The following FCRL5 variants were observed in gnomAD, a reference collection of about 807,000 sequenced individuals.
FCRL5 encodes the protein Fc receptor-like protein 5.
A neutral mutation model predicts 92.1 loss-of-function variants in FCRL5; 79 were observed. The ratio of observed to expected loss-of-function variants is 0.86; its 90% CI spans 0.72 to 1.03. The LOEUF is 1.03. Among genes scored for constraint, FCRL5 ranks in the 50% least tolerant of loss-of-function variants. The pLI is 0.00. For synonymous variants in FCRL5, 466 were observed against 469.3 expected (o/e 0.99, Z 0.09); for missense variants, 1,160 against 1,181.1 (o/e 0.98, Z 0.26).
At chr1:157,516,367 T>C (rs1361018780) in intron 15 of FCRL5, among the ~76,000 whole-genome samples, 1 of 152,240 alleles carries the variant, frequency 6.6e-6, no homozygotes, top group Non-Finnish European at 1.5e-5. Flanking sequence ...TGTAAGGTTG[T>C]GGTGAAGCTA....
chr1:157,552,139 C>T (rs527652051), intron 1 of FCRL5, among the ~76,000 whole-genome samples, 193 bp downstream of exon 1: 1 of 152,222 alleles, frequency 6.6e-6, no homozygotes, highest in Admixed American at 6.5e-5. Context: ...TTGAAAATTC[C>T]TTCCAGCTGT....
In FCRL5 at chr1:157,521,056, C is replaced by T; in HGVS notation, c.2476G>A (p.Gly826Arg). 1.9e-6 allele frequency: 3 copies of T among 1,613,802 alleles called. No homozygotes were observed. The highest frequency in any genetic ancestry group is 2.2e-5 in the East Asian group (1 of 44,858). Residue 826 changes from glycine to arginine, a missense_variant, in exon 11 of 17, where the codon GGG (glycine) becomes AGG (arginine). Transcript: ENST00000361835. ...GTCACTGTCTCACTGCGCTGGGCCCCGAGGCCATTGTCGGCCTCACAGGAG... is the reference window on the plus strand; with the variant it reads ...GTCACTGTCTCACTGCGCTGGGCCCTGAGGCCATTGTCGGCCTCACAGGAG... ...NYSCEADNGL[G>R]AQRSETVTLY...
At chr1:157,521,470 A>G (rs563215600) in intron 10 of FCRL5, 178 bp from the exon 11 acceptor site, 21 of 666,974 alleles carry the variant, frequency 3.1e-5, no homozygotes, top group African/African-American at 9.1e-5. Flanking sequence ...AAAATATCCA[A>G]TAGAAAACTG....
intron 5 of FCRL5, among the ~76,000 whole-genome samples, chr1:157,543,765 T>G (rs1239139981): frequency 6.6e-6 from 1 of 152,228 alleles, no homozygotes; most frequent in Non-Finnish European, 1.5e-5. Flanking sequence ...TGATGTAATC[T>G]GGGGTGCATA....
chr1:157,518,627 C>T (rs1650037054), intron 14 of FCRL5, 73 bp downstream of exon 14: 3 of 1,488,446 alleles, frequency 2.0e-6, no homozygotes, highest in Middle Eastern at 1.8e-4. Context: ...ATAGTCCCTC[C>T]CCATCTCCTG....
rs201400157 is a variant in FCRL5 at position 157,515,730 on chromosome 1, G to A, written c.2879C>T (p.Ala960Val). The stretch of plus-strand genomic sequence containing the variant: ...CAGGGATCCGGAAACCGGGGTTGAC[G>A]CCACCTTAACTTCAGAGTAGATGAT... ...SPIIYSEVKVASTPVSGSLFL... is the reference protein window; with the variant it reads ...SPIIYSEVKVVSTPVSGSLFL... The change falls in exon 17 of 17, where the codon GCG becomes GTG. Residue 960 changes from alanine (A) to valine (V), a missense_variant. Transcript: ENST00000361835. 13 of 1,613,666 alleles carry A rather than the reference G, an allele frequency of 8.1e-6. No homozygotes were observed. Among genetic ancestry groups the A allele is most frequent in the East Asian group, 6.7e-5 (3 of 44,876 alleles).
Position 157,518,761 on chromosome 1 carries a change from G to T in FCRL5, c.2682C>A (p.Ser894=). ...DPARSPSDSD[S]QEPTYHNVPA... The stretch of plus-strand genomic sequence containing the variant: ...GTACATTGTGATAGGTGGGCTCTTG[G>T]GAGTCCGAGTCTGAAGGGCTCCTGT... Residue 894 remains serine (S), a synonymous_variant, in exon 14 of 17, where the codon TCC becomes TCA. Coordinates refer to ENST00000361835, the MANE Select transcript of FCRL5 (RefSeq NM_031281.3). 2 of 1,613,324 alleles carry T rather than the reference G, an allele frequency of 1.2e-6. No individual in the cohort carries two copies. Among genetic ancestry groups the T allele is most frequent in the Non-Finnish European group, 1.7e-6 (2 of 1,179,818 alleles).
chr1:157,521,130 C>T lies in FCRL5; in HGVS notation c.2402G>A (p.Gly801Glu), dbSNP rs773144044. Reference protein sequence around the residue: ...VTLGNRSSPSGGASLNLSLTA... With the variant: ...VTLGNRSSPSEGASLNLSLTA... ...CAGAGAGAGGTTTAAGGACGCTCCT[C>T]CAGAGGGGGACGACCTATTTCCTAG... is the stretch of plus-strand genomic sequence containing the variant. The change falls in exon 11 of 17, where the codon GGA becomes GAA. Residue 801 changes from glycine (G) to glutamate (E), a missense_variant. Gly to Glu is a moderately conservative substitution (Grantham distance 98). Transcript: ENST00000361835. The T allele has an allele frequency of 1.1e-5, 18 of 1,614,070 alleles. No homozygotes were observed. Among genetic ancestry groups the T allele is most frequent in the Non-Finnish European group, 1.7e-6 (2 of 1,180,048 alleles).
chr1:157,523,944 T>C (rs1316189571), intron 10 of FCRL5: 2 of 397,278 alleles, frequency 5.0e-6, no homozygotes, highest in African/African-American at 2.0e-5. Context: ...CTTAATCCTT[T>C]CTACGGCAGA....
chr1:157,543,220 C>T, intron 5 of FCRL5, 83 bp from the exon 6 acceptor site: 1 of 1,359,662 alleles, frequency 7.4e-7, no homozygotes, highest in Non-Finnish European at 1.0e-6. Context: ...AATGCCCAGT[C>T]TCCAGTCTCC....
chr1:157,537,047 G>A lies in FCRL5; in HGVS notation c.1402+2039C>T, dbSNP rs1295487261. On this transcript the variant is annotated intron_variant, in intron 7 of 16. Transcript: ENST00000361835. The stretch of plus-strand genomic sequence containing the variant: ...AGGATGAATGTCACCTCAGGACCCT[G>A]TGATAATTGTGTTAACTGCACAAAT... 2.0e-5 allele frequency among the ~76,000 whole-genome samples: 3 copies of A among 152,150 alleles called. No homozygotes were observed. In the East Asian group the frequency reaches 5.8e-4, roughly 29 times the overall value.
intron 9 of FCRL5, among the ~76,000 whole-genome samples, chr1:157,527,205 T>C (rs1650469917): frequency 6.6e-6 from 1 of 152,080 alleles, no homozygotes; most frequent in Non-Finnish European, 1.5e-5. Context: ...TAGAGAGAAA[T>C]GTGTGAGCCA....
chr1:157,535,943 G>GTTTTTTTTTTT (rs60191062), intron 7 of FCRL5, among the ~76,000 whole-genome samples: 15,553 of 89,346 alleles, frequency 0.17, 3,785 homozygotes, highest in Non-Finnish European at 0.21. Flanking sequence ...ATGTGACTCA[G>GTTTTTTTTTTT]TTTTTTTTTT....
At chr1:157,530,991 G>A (rs1207951233) in intron 8 of FCRL5, among the ~76,000 whole-genome samples, 1 of 152,124 alleles carries the variant, frequency 6.6e-6, no homozygotes. Context: ...ATTACATCAA[G>A]CTGAAAAGAA....
At position 157,524,506 on chromosome 1, in the gene FCRL5, A is replaced by G; in HGVS notation, c.2012T>C (p.Val671Ala). ...LTFRAPRAQA[V>A]VGDLLELHCE... ...GTGAAGCTCCAGCAGGTCCCCCACCACAGCCTGGGCCCTGGGAGCCCTGAA... is the reference window on the plus strand; with the variant it reads ...GTGAAGCTCCAGCAGGTCCCCCACCGCAGCCTGGGCCCTGGGAGCCCTGAA... The change falls in exon 10 of 17, where the codon GTG (valine) becomes GCG (alanine). Residue 671 changes from valine to alanine, a missense_variant. Physicochemically the swap from Val to Ala is moderately conservative, Grantham distance 64 (BLOSUM62 0). Transcript: ENST00000361835. 6.2e-7 allele frequency: 1 copy of G among 1,613,956 alleles called. No individual in the cohort carries two copies. Among genetic ancestry groups the G allele is most frequent in the Non-Finnish European group, 8.5e-7 (1 of 1,179,826 alleles).
At chr1:157,540,488 C>T (rs1651207716) in intron 6 of FCRL5, among the ~76,000 whole-genome samples, 1 of 151,496 alleles carries the variant, frequency 6.6e-6, no homozygotes, top group Non-Finnish European at 1.5e-5. Flanking sequence ...TGGCTTCTTG[C>T]AAACACCATT....
At chr1:157,548,409 G>T (rs1177299606) in intron 2 of FCRL5, among the ~76,000 whole-genome samples, 1 of 151,518 alleles carries the variant, frequency 6.6e-6, no homozygotes, top group Non-Finnish European at 1.5e-5. Context: ...AAAAGCAATG[G>T]CAACAAAAGC....
chr1:157,533,497 T>G (rs1025299031), intron 8 of FCRL5: 1 of 152,206 alleles, frequency 6.6e-6, no homozygotes, highest in Admixed American at 6.5e-5. Flanking sequence ...CTTTGCTAGA[T>G]GATTTTTTTA....
intron 3 of FCRL5, among the ~76,000 whole-genome samples, chr1:157,545,763 C>T (rs1284701260): frequency 2.0e-5 from 3 of 152,040 alleles, no homozygotes; most frequent in Non-Finnish European, 4.4e-5. Context: ...CTCCTGACCT[C>T]GTGATCCACC....
Sources: allele counts gnomAD v4.1 joint callset (sites outside exome capture counted in the v4.1 genomes callset), GRCh38; gene constraint gnomAD v4.1.1; transcripts MANE v1.5; gene names NCBI Gene and HGNC (gene_info 2026-07-23, HGNC 2026-07-21).